PACSIN2: variants seen among roughly 807,000 people sequenced by gnomAD.
PACSIN2 encodes the protein protein kinase C and casein kinase substrate in neurons protein 2.
In PACSIN2, 25 loss-of-function variants were observed where a neutral mutation model predicts 63.8. That is an observed-to-expected ratio of 0.39 (90% CI 0.29 to 0.55). The LOEUF (loss-of-function observed/expected upper bound fraction) is 0.55. Among genes scored for constraint, PACSIN2 ranks in the 20% least tolerant of loss-of-function variants. The probability of loss-of-function intolerance (pLI) is 0.62; values close to 1 mark genes in which losing one functional copy is unlikely to be tolerated. For missense variants in PACSIN2, 518 were observed against 646.9 expected (o/e 0.80, Z 2.16); for synonymous variants, 255 against 256.2 (o/e 1.00, Z 0.05).
At chr22:42,898,942 G>A (rs570734753) in intron 2 of PACSIN2, among the ~76,000 whole-genome samples, 24 of 152,122 alleles carry the variant, frequency 1.6e-4, no homozygotes, top group Non-Finnish European at 3.1e-4. Flanking sequence ...CGTGCTGGGG[G>A]GACTATCCAA....
rs905385131 is a variant in PACSIN2, at chr22:42,966,146, C to A, written c.-78+48875G>T. ...CAGCACTTTGGGAGGCTGAGGCAGG[C>A]GGATCACGAGGTCAAGAGATCGAGA... On this transcript the variant is annotated intron_variant, in intron 1 of 10. Coordinates refer to ENST00000263246, the MANE Select transcript of PACSIN2 (RefSeq NM_001184970.3). Among the ~76,000 whole-genome samples, 11 of 152,016 alleles carry A rather than the reference C, an allele frequency of 7.2e-5. No homozygotes were observed. In the East Asian group the frequency reaches 1.2e-3, roughly 16 times the overall value.
intron 1 of PACSIN2, among the ~76,000 whole-genome samples, chr22:42,993,299 TG>T (rs1424680226): frequency 6.6e-6 from 1 of 152,154 alleles, no homozygotes; most frequent in Non-Finnish European, 1.5e-5. Context: ...CTGGAAGAAG[TG>T]GGGGCAGAGG....
At chr22:42,874,451 G>C (rs1287711263) in intron 10 of PACSIN2, among the ~76,000 whole-genome samples, 1 of 152,156 alleles carries the variant, frequency 6.6e-6, no homozygotes. Flanking sequence ...TATGGTTTCT[G>C]CTCCTAGCAA....
At chr22:42,912,374 G>C (rs541305169) in intron 1 of PACSIN2, among the ~76,000 whole-genome samples, 1 of 152,200 alleles carries the variant, frequency 6.6e-6, no homozygotes, top group African/African-American at 2.4e-5. Context: ...GGGGGCGAGG[G>C]GTGCATGTGC....
intron 1 of PACSIN2, among the ~76,000 whole-genome samples, chr22:42,970,990 TGCA>T (rs1201422915): frequency 2.0e-5 from 3 of 152,178 alleles, no homozygotes; most frequent in African/African-American, 7.2e-5. Flanking sequence ...AGCCTACCCC[TGCA>T]CCACCTCTCA....
intron 9 of PACSIN2, 117 bp downstream of exon 9, chr22:42,876,771 A>T: frequency 7.3e-7 from 1 of 1,379,218 alleles, no homozygotes; most frequent in Non-Finnish European, 1.0e-6. Context: ...CCAGGTGCCC[A>T]CTTCCTGCAG....
chr22:42,952,648 A>G (rs1236073781), intron 1 of PACSIN2, among the ~76,000 whole-genome samples: 3 of 144,962 alleles, frequency 2.1e-5, no homozygotes, highest in Non-Finnish European at 3.0e-5. Flanking sequence ...TTGAGCCACC[A>G]CACCCGGCCT....
At chr22:42,984,981 T>C (rs189987961) in intron 1 of PACSIN2, among the ~76,000 whole-genome samples, 13 of 152,222 alleles carry the variant, frequency 8.5e-5, no homozygotes, top group African/African-American at 2.9e-4. Context: ...GCTTGTTCTG[T>C]TTGGCAACCA....
At chr22:43,011,048 C>T (rs1569378674) in intron 1 of PACSIN2, among the ~76,000 whole-genome samples, 1 of 152,206 alleles carries the variant, frequency 6.6e-6, no homozygotes, top group East Asian at 1.9e-4. Flanking sequence ...ACAGAGCATA[C>T]TCATCTGAAC....
chr22:42,974,069 CAT>C (rs1258430557), intron 1 of PACSIN2, among the ~76,000 whole-genome samples: 3 of 152,220 alleles, frequency 2.0e-5, no homozygotes, highest in Non-Finnish European at 2.9e-5. Flanking sequence ...TCCCACCTCA[CAT>C]GTTACCAAGT....
At position 42,885,405 on chromosome 22, in the gene PACSIN2, G is replaced by C. The variant is rs12165646; in HGVS notation, c.610-844C>G. ...CCTGGGGTGGGTGAGAGATAGCAGG[G>C]CTGGGGCCACCTATTTATTGCAATT... On this transcript the variant is annotated intron_variant, in intron 5 of 10. Transcript: ENST00000263246. 4.8e-3 allele frequency among the ~76,000 whole-genome samples: 735 copies of C among 152,284 alleles called. 4 individuals carry two copies. The highest frequency in any genetic ancestry group is 0.017 in the African/African-American group (718 of 41,546).
intron 5 of PACSIN2, among the ~76,000 whole-genome samples, chr22:42,888,046 A>G (rs569549371): frequency 1.1e-5 from 1 of 95,038 alleles, no homozygotes; most frequent in South Asian, 3.4e-4. Context: ...TCCCTCCCCC[A>G]GGTCTCTGCC....
intron 1 of PACSIN2, among the ~76,000 whole-genome samples, chr22:42,981,559 C>T (rs1440591333): frequency 4.5e-5 from 5 of 112,068 alleles, no homozygotes; most frequent in Admixed American, 8.7e-5. Context: ...CCGCCCCGTC[C>T]GGGAGGTGAG....
At chr22:42,989,036 C>T (rs2146899692) in intron 1 of PACSIN2, among the ~76,000 whole-genome samples, 1 of 152,242 alleles carries the variant, frequency 6.6e-6, no homozygotes, top group Non-Finnish European at 1.5e-5. Context: ...CATACCATGA[C>T]ACCTGGCTAG....
chr22:42,943,184 T>G (rs2146808253), intron 1 of PACSIN2, among the ~76,000 whole-genome samples: 1 of 152,382 alleles, frequency 6.6e-6, no homozygotes, highest in East Asian at 1.9e-4. Context: ...ATTCCATTTT[T>G]TGAATTATTC....
At chr22:42,987,494 C>CACACACACACACACA (rs769969045) in intron 1 of PACSIN2, among the ~76,000 whole-genome samples, 81 of 68,042 alleles carry the variant, frequency 1.2e-3, no homozygotes, top group East Asian at 4.2e-3. Flanking sequence ...ACACACACAC[C>CACACACACACACACA]CATGGCACCA....
At chr22:42,916,765 C>T (rs1931837935) in intron 1 of PACSIN2, among the ~76,000 whole-genome samples, 2 of 152,160 alleles carry the variant, frequency 1.3e-5, no homozygotes, top group South Asian at 4.1e-4. Flanking sequence ...AGCCTCTCAA[C>T]CCAATAAGGT....
chr22:42,921,451 C>A (rs1366937640), intron 1 of PACSIN2, among the ~76,000 whole-genome samples: 3 of 151,980 alleles, frequency 2.0e-5, no homozygotes, highest in Non-Finnish European at 4.4e-5. Flanking sequence ...TGGGGCATTG[C>A]CCAGACTCTT....
intron 1 of PACSIN2, among the ~76,000 whole-genome samples, chr22:42,987,494 C>A (rs4820501): frequency 0.2 from 13,642 of 67,408 alleles, 1,184 homozygotes; most frequent in Admixed American, 0.28. Flanking sequence ...ACACACACAC[C>A]CATGGCACCA....
Sources: allele counts gnomAD v4.1 joint callset (sites outside exome capture counted in the v4.1 genomes callset), GRCh38; gene constraint gnomAD v4.1.1; transcripts MANE v1.5; gene names NCBI Gene and HGNC (gene_info 2026-07-23, HGNC 2026-07-21).